ZBTB40: variants seen among roughly 807,000 people sequenced by gnomAD.
ZBTB40 encodes the protein zinc finger and BTB domain-containing protein 40.
Under a neutral mutation model 117.5 loss-of-function variants are expected in ZBTB40, and 60 were observed. The observed-to-expected ratio is 0.51, with a 90% CI of 0.41 to 0.63. The LOEUF (loss-of-function observed/expected upper bound fraction) is 0.63, where lower values mean the gene tolerates loss of function less well. Among genes scored for constraint, ZBTB40 ranks in the 30% least tolerant of loss-of-function variants. ZBTB40 has a pLI of 0.00. For missense variants in ZBTB40, 1,287 were observed against 1,498.5 expected, an observed-to-expected ratio of 0.86 and a Z score of 2.33; for synonymous variants, 525 against 577.1, an observed-to-expected ratio of 0.91 and a Z score of 1.29.
At position 22,429,615 on chromosome 1, in the gene ZBTB40, C is replaced by T. The variant is rs149212876; in HGVS notation, c.-70+601C>T. Among the ~76,000 whole-genome samples the T allele has an allele frequency of 4.4e-3, 675 of 152,264 alleles. 5 individuals are homozygous for T. In the Middle Eastern group the frequency reaches 0.054, roughly 12 times the overall value. On this transcript the variant is annotated intron_variant, in intron 1 of 8. Coordinates refer to the ZBTB40 transcript ENST00000650433. ...ACTATTATATACCGGGTTCCCAGTA[C>T]CACATTAAACAGTAGTGGTATTGGA...
In ZBTB40 at chr1:22,513,137, C is replaced by CG; in HGVS notation, c.2668+11dup. ...AAGAAGAAGCACTCAGAAGGTAAGG[C>CG]GGGGCACAGTTCATTTCTCCTGCAG... On this transcript the variant is annotated splice_region_variant and intron_variant, in intron 12 of 17. Coordinates refer to ENST00000375647, the MANE Select transcript of ZBTB40 (RefSeq NM_014870.4). The surrounding 1 kb of genome is among the most constrained non-coding windows in gnomAD (Gnocchi z 4.9). The CG allele has an allele frequency of 6.2e-7, 1 of 1,612,924 alleles. No individual in the cohort carries two copies. The highest frequency in any genetic ancestry group is 2.2e-5 in the East Asian group (1 of 44,848).
chr1:22,493,893 T>C (rs552983504), intron 3 of ZBTB40, among the ~76,000 whole-genome samples: 16 of 152,056 alleles, frequency 1.1e-4, no homozygotes, highest in African/African-American at 3.6e-4. Flanking sequence ...GTTGTATGCA[T>C]TGTGTGGATA....
At chr1:22,486,849 C>T (rs567977041) in intron 1 of ZBTB40, among the ~76,000 whole-genome samples, 14 of 152,180 alleles carry the variant, frequency 9.2e-5, no homozygotes, top group Admixed American at 1.3e-4. Flanking sequence ...TATTCTCCTG[C>T]CTCAGCCTCT....
intron 1 of ZBTB40, among the ~76,000 whole-genome samples, chr1:22,470,303 A>G (rs1641369118): frequency 6.6e-6 from 1 of 152,196 alleles, no homozygotes. Context: ...TTTCATGTAC[A>G]TTTGGTATCG....
At chr1:22,451,778 G>C (rs911579541), upstream of ZBTB40, 2 of 152,334 alleles carry the variant, frequency 1.3e-5, no homozygotes, top group African/African-American at 4.8e-5. Context: ...TGGAGAGCGA[G>C]CGCGTGACGC....
chr1:22,472,780 C>T (rs1641442826), intron 1 of ZBTB40, among the ~76,000 whole-genome samples: 1 of 152,172 alleles, frequency 6.6e-6, no homozygotes, highest in South Asian at 2.1e-4. Context: ...TGACCATTTC[C>T]TAGATCAAGA....
chr1:22,486,782 C>G (rs551010222), intron 1 of ZBTB40, among the ~76,000 whole-genome samples: 14 of 152,120 alleles, frequency 9.2e-5, no homozygotes, highest in Admixed American at 1.3e-4. Context: ...GTTGCCCAGG[C>G]TGGAGTACAG....
intron 1 of ZBTB40, among the ~76,000 whole-genome samples, chr1:22,475,385 C>G (rs568293710): frequency 5.3e-5 from 8 of 152,166 alleles, no homozygotes; most frequent in Non-Finnish European, 8.8e-5. Flanking sequence ...GGAGATCTAC[C>G]TCTGGCCATC....
chr1:22,493,372 T>A (rs1638685694), intron 3 of ZBTB40, among the ~76,000 whole-genome samples: 1 of 152,212 alleles, frequency 6.6e-6, no homozygotes. Context: ...ACAGATACTT[T>A]AAGAATATAA....
Position 22,509,085 on chromosome 1 carries a change from C to T in ZBTB40, c.1700-15C>T. The stretch of plus-strand genomic sequence containing the variant: ...ATTGTTTGCCTAATGAGTTTTTGAT[C>T]CCCCTTTTTTTCAGTGACCACCCCA... On this transcript the variant is annotated splice_polypyrimidine_tract_variant and intron_variant, in intron 8 of 17. Transcript: ENST00000375647. The T allele has an allele frequency of 6.2e-7, 1 of 1,613,876 alleles. No individual in the cohort carries two copies.
rs772602948 is a variant in ZBTB40 at position 22,521,563 on chromosome 1, G to C, written c.3116G>C (p.Arg1039Pro). Reference protein sequence around the residue: ...HPDVFAAQNHRSSKFSSLQCS... With the variant: ...HPDVFAAQNHPSSKFSSLQCS... ...GACGTATTTGCTGCTCAGAACCACC[G>C]ATCTTCCAAGTTCTCATCACTCCAG... The change falls in exon 15 of 18, where the codon CGA (arginine) becomes CCA (proline). Residue 1039 changes from arginine (R) to proline (P), a missense_variant. Transcript: ENST00000375647. 4 of 1,614,114 alleles carry C rather than the reference G, an allele frequency of 2.5e-6. No homozygotes were observed. The highest frequency in any genetic ancestry group is 2.5e-6 in the Non-Finnish European group (3 of 1,180,026).
At chr1:22,486,078 C>CTG (rs1210855675) in intron 1 of ZBTB40, among the ~76,000 whole-genome samples, 2 of 151,932 alleles carry the variant, frequency 1.3e-5, no homozygotes, top group East Asian at 3.8e-4. Context: ...TCTCTCCAAA[C>CTG]TGTTTTTGGG....
In ZBTB40 at chr1:22,443,403, C is replaced by T. The variant is rs373941630; in HGVS notation, c.-70+14389C>T. Among the ~76,000 whole-genome samples the T allele has an allele frequency of 3.9e-4, 60 of 152,330 alleles. 1 individual carries two copies. The highest frequency in any genetic ancestry group is 1.4e-3 in the African/African-American group (57 of 41,578). On this transcript the variant is annotated intron_variant, in intron 1 of 8. Transcript: ENST00000650433. ...CCCAGAAAGGCAGAACATCTCAAAG[C>T]AGGGGCAAGGGCCTTACAGGTGATA...
chr1:22,451,668 A>G (rs1015281697), upstream of ZBTB40, among the ~76,000 whole-genome samples: 1 of 151,908 alleles, frequency 6.6e-6, no homozygotes, highest in Non-Finnish European at 1.5e-5. Flanking sequence ...AAAGAAAAAA[A>G]CTTTACTTAG....
In ZBTB40 at chr1:22,527,870, C is replaced by G. The variant is rs936762268; in HGVS notation, c.*1474C>G. On this transcript the variant is annotated 3_prime_UTR_variant, in exon 18 of 18. Transcript: ENST00000375647. ...ACGCCCACTGACTGGCATCTGCCGG[C>G]TTTGTGCAGGCAGCCCCGACGGTTT... 2 of 152,506 alleles carry G rather than the reference C, an allele frequency of 1.3e-5. No homozygotes were observed. The highest frequency in any genetic ancestry group is 4.8e-5 in the African/African-American group (2 of 41,480). The allele number at this position is 152,506 out of a possible 1,614,324, so 9.4% of individuals were successfully genotyped here.
chr1:22,448,444 T>C (rs1239559329), upstream of ZBTB40, among the ~76,000 whole-genome samples: 21 of 152,224 alleles, frequency 1.4e-4, 1 homozygote, highest in Admixed American at 1.4e-3. Context: ...CGATTCTGTT[T>C]TACTCTTTCT....
intron 1 of ZBTB40, among the ~76,000 whole-genome samples, chr1:22,476,060 T>G (rs1162201158): frequency 6.6e-6 from 1 of 152,188 alleles, no homozygotes; most frequent in Non-Finnish European, 1.5e-5. Flanking sequence ...TTACAGAACA[T>G]CCACTTTATT....
At chr1:22,441,730 A>C (rs1391773312) in intron 1 of ZBTB40, among the ~76,000 whole-genome samples, 1 of 151,542 alleles carries the variant, frequency 6.6e-6, no homozygotes, top group Non-Finnish European at 1.5e-5. Flanking sequence ...TGATCTGCCC[A>C]CCTCACCCTC....
At position 22,528,549 on chromosome 1, in the gene ZBTB40, GGA is replaced by G. The variant is rs1639743869; in HGVS notation, c.*2156_*2157del. 6.6e-6 allele frequency: 1 copy of G among 152,182 alleles called. No individual in the cohort carries two copies. The highest frequency in any genetic ancestry group is 1.5e-5 in the Non-Finnish European group (1 of 68,016). 9.4% of individuals were successfully genotyped at this position (152,182 alleles called of 1,614,324 possible). The stretch of plus-strand genomic sequence containing the variant: ...TCTTTCTCAGGTTTCTTTTTTTGGG[GGA>G]GACAGGGTCTTGCTCTGTCACCCAG... On this transcript the variant is annotated 3_prime_UTR_variant, in exon 18 of 18. Coordinates refer to ENST00000375647, the MANE Select transcript of ZBTB40 (RefSeq NM_014870.4).
Sources: gnomAD v4.1 joint callset for allele counts (sites outside exome capture counted in the v4.1 genomes callset) on GRCh38, gnomAD v4.1.1 for gene constraint, Gnocchi (gnomAD v3.1) non-coding constraint, MANE v1.5 for transcripts, NCBI Gene and HGNC (gene_info 2026-07-23, HGNC 2026-07-21) for gene names.